The following NELFCD variants were observed in gnomAD, a reference collection of about 807,000 sequenced individuals.
The protein encoded by NELFCD is negative elongation factor complex member C/D, also known as negative elongation factor C/D.
Under a neutral mutation model 72.9 loss-of-function variants are expected in NELFCD, and 48 were observed. The observed-to-expected ratio is 0.66, with a 90% CI of 0.52 to 0.84. NELFCD has a LOEUF of 0.84. Ranked by LOEUF, NELFCD falls within the 40% of genes least tolerant of loss-of-function variation. The pLI is 0.00. For synonymous variants in NELFCD, 297 were observed against 280.6 expected (o/e 1.06, Z -0.59); for missense variants, 538 against 723.8 (o/e 0.74, Z 2.94).
rs2091846939 is a variant in NELFCD, at chr20:58,994,738, C to G, written c.*62C>G. On this transcript the variant is annotated 3_prime_UTR_variant, in exon 15 of 15. Coordinates refer to ENST00000652272, the MANE Select transcript of NELFCD (RefSeq NM_198976.4). ...AGAACCCGTTGTGGAAAAACCCTTT[C>G]AAGAAGCTGTTTTAAGAGGCTCGGG... 3 of 1,431,016 alleles carry G rather than the reference C, an allele frequency of 2.1e-6. No homozygotes were observed. Among genetic ancestry groups the G allele is most frequent in the South Asian group, 2.4e-5 (2 of 84,138 alleles). The allele number at this position is 1,431,016 out of a possible 1,614,324, so 88.6% of individuals were successfully genotyped here.
intron 9 of NELFCD, chr20:58,991,680 T>C (rs1428695328): frequency 9.4e-6 from 7 of 744,436 alleles, no homozygotes; most frequent in Non-Finnish European, 2.1e-6. Flanking sequence ...GAAACTGATT[T>C]CCGTAAGACA....
At chr20:58,983,435 CTTTTTT>C (rs1280267450) in intron 1 of NELFCD, among the ~76,000 whole-genome samples, 3 of 128,936 alleles carry the variant, frequency 2.3e-5, no homozygotes, top group Non-Finnish European at 3.3e-5. Context: ...CGCACCCGGC[CTTTTTT>C]TTTTTTTTTT....
chr20:58,993,358 A>G lies in NELFCD; in HGVS notation c.1345-91A>G. ...TGTCAGGACCTTCTTCCACAGTGAT[A>G]AGCTCTTTGGTGGCTGTGACAGTGC... On this transcript the variant is annotated intron_variant, in intron 11 of 14. Coordinates refer to ENST00000652272, the MANE Select transcript of NELFCD (RefSeq NM_198976.4). This position sits in a 1 kb window ranked among gnomAD's most constrained non-coding sequence, Gnocchi z 5.0. 7.9e-7 allele frequency: 1 copy of G among 1,259,366 alleles called. No homozygotes were observed. The highest frequency in any genetic ancestry group is 1.1e-6 in the Non-Finnish European group (1 of 886,500). The allele number at this position is 1,259,366 out of a possible 1,614,324, so 78.0% of individuals were successfully genotyped here.
intron 1 of NELFCD, among the ~76,000 whole-genome samples, chr20:58,982,361 T>C (rs993819903): frequency 6.6e-6 from 1 of 152,020 alleles, no homozygotes; most frequent in African/African-American, 2.4e-5. Context: ...TTTCACCTTG[T>C]TGGCCAGGCT....
chr20:58,989,800 T>C, intron 6 of NELFCD, 58 bp from the exon 7 acceptor site: 1 of 1,612,450 alleles, frequency 6.2e-7, no homozygotes, highest in South Asian at 1.1e-5. Context: ...TTGGCTCTCG[T>C]CCGCCCGTCT....
At chr20:58,982,188 C>T (rs965785880) in intron 1 of NELFCD, among the ~76,000 whole-genome samples, 3 of 105,940 alleles carry the variant, frequency 2.8e-5, no homozygotes, top group African/African-American at 3.6e-5. Context: ...TGGAGTTTCG[C>T]TCTTGTTGCC....
intron 10 of NELFCD, 126 bp from the exon 11 acceptor site, chr20:58,992,872 G>A (rs2091827924): frequency 3.1e-6 from 2 of 640,832 alleles, no homozygotes; most frequent in East Asian, 2.8e-5. Context: ...AAAAAGGGTT[G>A]GGGGGCGTAT....
intron 1 of NELFCD, among the ~76,000 whole-genome samples, chr20:58,983,327 T>C: frequency 6.6e-6 from 1 of 151,774 alleles, no homozygotes; most frequent in East Asian, 1.9e-4. Context: ...GTAGAGACAG[T>C]GTTTCACCAC....
intron 1 of NELFCD, among the ~76,000 whole-genome samples, chr20:58,982,563 A>G (rs2091743174): frequency 6.6e-6 from 1 of 152,210 alleles, no homozygotes; most frequent in South Asian, 2.1e-4. Context: ...GTTGATAAAC[A>G]TGGGTGGTGG....
chr20:58,993,139 C>T lies in NELFCD; in HGVS notation c.1344+27C>T. ...TAAGAGGGCGGAGAGCTGTTCACAGCCTACACAGTGTCTGTCTCATGCTGT... is the reference window on the plus strand; with the variant it reads ...TAAGAGGGCGGAGAGCTGTTCACAGTCTACACAGTGTCTGTCTCATGCTGT... On this transcript the variant is annotated intron_variant, in intron 11 of 14. Transcript: ENST00000652272. The surrounding 1 kb of genome is among the most constrained non-coding windows in gnomAD (Gnocchi z 5.0). The T allele has an allele frequency of 5.3e-6, 8 of 1,496,928 alleles. No individual in the cohort carries two copies. The highest frequency in any genetic ancestry group is 7.5e-6 in the Non-Finnish European group (8 of 1,073,084). 92.7% of individuals were successfully genotyped at this position (1,496,928 alleles called of 1,614,324 possible).
rs747958911 is a variant in NELFCD, at chr20:58,991,916, G to A, written c.1125G>A (p.Lys375=). ...KRVSINKDEL[K]STSKAVETVH... ...TGAGCATCAATAAAGATGAGCTGAAGTCAACGTCAAAAGCTGTCGAAACCG... is the reference window on the plus strand; with the variant it reads ...TGAGCATCAATAAAGATGAGCTGAAATCAACGTCAAAAGCTGTCGAAACCG... Residue 375 remains lysine, a synonymous_variant, in exon 10 of 15, where the codon AAG becomes AAA. Coordinates refer to ENST00000652272, the MANE Select transcript of NELFCD (RefSeq NM_198976.4). 1.2e-6 allele frequency: 2 copies of A among 1,614,216 alleles called. No individual in the cohort carries two copies. The highest frequency in any genetic ancestry group is 3.3e-5 in the Admixed American group (2 of 60,028).
chr20:58,982,491 G>A (rs2091742723), intron 1 of NELFCD, among the ~76,000 whole-genome samples: 1 of 152,168 alleles, frequency 6.6e-6, no homozygotes, highest in South Asian at 2.1e-4. Flanking sequence ...AATCAAGATT[G>A]GGGATGTCTG....
In NELFCD at chr20:58,986,937, C is replaced by A; in HGVS notation, c.286+74C>A. Reference sequence around the variant, plus strand: ...AAAATAGACTTTTGGGTCCTTATAACACTGATACAATGCCTTCTTTGATTT... The same window carrying A: ...AAAATAGACTTTTGGGTCCTTATAAAACTGATACAATGCCTTCTTTGATTT... On this transcript the variant is annotated intron_variant, in intron 3 of 14. Transcript: ENST00000652272. The surrounding 1 kb of genome is among the most constrained non-coding windows in gnomAD (Gnocchi z 4.4). 1.2e-6 allele frequency: 1 copy of A among 827,592 alleles called. No homozygotes were observed. Among genetic ancestry groups the A allele is most frequent in the Non-Finnish European group, 2.0e-6 (1 of 504,866 alleles). The allele number at this position is 827,592 out of a possible 1,614,324, so 51.3% of individuals were successfully genotyped here. A position where few individuals can be genotyped will look rare whatever the true frequency, so the allele number is the denominator to read the frequency against.
Position 58,986,640 on chromosome 20 carries a change from G to GC in NELFCD, c.177-109dup, listed in dbSNP as rs111840975. The GC allele has an allele frequency of 3.2e-5, 25 of 790,378 alleles. 1 individual carries two copies. Among genetic ancestry groups the GC allele is most frequent in the African/African-American group, 2.4e-4 (14 of 59,156 alleles). The allele number at this position is 790,378 out of a possible 1,614,324, so 49.0% of individuals were successfully genotyped here. ...TTACAGGTGTGCACCACTGCACCCA[G>GC]CCCCCTCCGCTGCTTTAAAAATTTT... On this transcript the variant is annotated intron_variant, in intron 2 of 14. Transcript: ENST00000652272. This position sits in a 1 kb window ranked among gnomAD's most constrained non-coding sequence, Gnocchi z 4.4.
chr20:58,990,174 AT>A, intron 7 of NELFCD, 186 bp downstream of exon 7: 1 of 679,898 alleles, frequency 1.5e-6, no homozygotes, highest in Non-Finnish European at 2.4e-6. Context: ...AGGCGGATGG[AT>A]CACCTAAGGT....
rs2091832162 is a variant in NELFCD at position 58,993,453 on chromosome 20, G to A, written c.1349G>A (p.Ser450Asn). The A allele has an allele frequency of 6.2e-7, 1 of 1,613,442 alleles. No homozygotes were observed. Among genetic ancestry groups the A allele is most frequent in the African/African-American group, 1.3e-5 (1 of 74,904 alleles). Residue 450 changes from serine (S) to asparagine (N), a missense_variant, in exon 12 of 15, where the codon AGC becomes AAC. Ser to Asn is a conservative substitution (Grantham distance 46). Transcript: ENST00000652272. The surrounding 1 kb of genome is among the most constrained non-coding windows in gnomAD (Gnocchi z 5.0). ...PVHLALLDEI[S>N]TCHQLLHPQV... ...CTCCCTCTGGCCTGTTTGTAGATCA[G>A]CACCTGCCACCAGCTCCTGCACCCC...
At chr20:58,992,853 A>C (rs1435620613) in intron 10 of NELFCD, 145 bp from the exon 11 acceptor site, 1 of 531,238 alleles carries the variant, frequency 1.9e-6, no homozygotes, top group Non-Finnish European at 3.3e-6. Context: ...TGTCTCAAAA[A>C]AAAAAAAAAA....
intron 10 of NELFCD, 136 bp downstream of exon 10, chr20:58,992,156 A>C: frequency 2.1e-6 from 2 of 953,762 alleles, no homozygotes; most frequent in Non-Finnish European, 3.0e-6. Context: ...TTTAAACAGT[A>C]TGTAGGGAAC....
chr20:58,986,694 C>A lies in NELFCD; in HGVS notation c.177-60C>A. The A allele has an allele frequency of 8.6e-7, 1 of 1,160,158 alleles. No homozygotes were observed. The allele number at this position is 1,160,158 out of a possible 1,614,324, so 71.9% of individuals were successfully genotyped here. A position where few individuals can be genotyped will look rare whatever the true frequency, so the allele number is the denominator to read the frequency against. ...ACCTGATTCTCTTCCTCCTTCCTTA[C>A]CTTCCTGTTGTCCATCATTCCATTC... is the stretch of plus-strand genomic sequence containing the variant. On this transcript the variant is annotated intron_variant, in intron 2 of 14. Transcript: ENST00000652272. The surrounding 1 kb of genome is among the most constrained non-coding windows in gnomAD (Gnocchi z 4.4).
Sources: gnomAD v4.1 joint callset for allele counts (sites outside exome capture counted in the v4.1 genomes callset) on GRCh38, gnomAD v4.1.1 for gene constraint, Gnocchi (gnomAD v3.1) non-coding constraint, MANE v1.5 for transcripts, NCBI Gene and HGNC (gene_info 2026-07-23, HGNC 2026-07-21) for gene names.